Variants in RENBP observed in about 807,000 individuals in gnomAD.
RENBP encodes the protein renin binding protein.
Under a neutral mutation model 37.8 loss-of-function variants are expected in RENBP, and 16 were observed. That is an observed-to-expected ratio of 0.42 (90% confidence interval 0.29 to 0.64). RENBP has a LOEUF of 0.64. Ranked by LOEUF, RENBP falls within the 30% of genes least tolerant of loss-of-function variation. RENBP has a pLI of 0.19. For synonymous variants in RENBP, 170 were observed against 154.8 expected (o/e 1.10, Z -0.73); for missense variants, 347 against 379.5 (o/e 0.91, Z 0.71).
intron 9 of RENBP, among the ~76,000 whole-genome samples, chrX:153,936,791 T>C (rs1195348605): frequency 6.2e-5 from 7 of 112,014 alleles, no homozygotes; most frequent in African/African-American, 2.3e-4. Flanking sequence ...GGCTTGTCAG[T>C]TCAGCCCCTT....
chrX:153,939,235 G>A (rs1467553963), intron 9 of RENBP, among the ~76,000 whole-genome samples: 2 of 111,505 alleles, frequency 1.8e-5, no homozygotes, highest in Admixed American at 9.5e-5. Context: ...CTACAGGTGT[G>A]CATGACACCC....
intron 9 of RENBP, among the ~76,000 whole-genome samples, chrX:153,938,704 C>A (rs1209970316): frequency 9.1e-6 from 1 of 110,218 alleles, no homozygotes; most frequent in Non-Finnish European, 1.9e-5. Context: ...TTTCTTCCTG[C>A]GTCACCACTG....
At chrX:153,943,427 G>A (rs1465250578) in intron 5 of RENBP, 119 bp downstream of exon 5, 3 of 751,673 alleles carry the variant, frequency 4.0e-6, no homozygotes, top group Non-Finnish European at 3.9e-6. Flanking sequence ...CAGAGGTGAA[G>A]GGGACTTGGC....
rs373960327 is a variant in RENBP at position 153,943,029 on chromosome X, G to A, written c.513C>T (p.Asp171=). 194 of 1,201,494 alleles carry A rather than the reference G, an allele frequency of 1.6e-4. No homozygotes were observed. Among genetic ancestry groups the A allele is most frequent in the Non-Finnish European group, 2.1e-4 (189 of 890,706 alleles). Residue 171 remains aspartate (D), a synonymous_variant, in exon 6 of 11, where the codon GAC becomes GAT. Coordinates refer to ENST00000393700, the MANE Select transcript of RENBP (RefSeq NM_002910.6). ...GCTGGGGCCGGCCCAGTCCCGACGC[G>A]TCCTCCTGCACCCAGTGGACGATCT... ...MDQIVHWVQE[D]ASGLGRPQLQ... is the part of the protein sequence containing the mutation.
rs1557110153 is a variant in RENBP at position 153,944,124 on chromosome X, G to A, written c.169C>T (p.Arg57Trp). ...GFFTCLGREG[R>W]VYDDLKYVWL... ...ACATACTTGAGGTCATCATACACCC[G>A]CCCCTCGCGGCCAAGGCACGTGAAG... is the stretch of plus-strand genomic sequence containing the variant. The change falls in exon 3 of 11, where the codon CGG becomes TGG. Residue 57 changes from arginine to tryptophan, a missense_variant. By Grantham distance (101) the Arg-to-Trp change is moderately radical. This residue lies in a region of RENBP where 244 missense variants were observed against 279.4 expected (regional missense o/e 0.87). Transcript: ENST00000393700. 9.1e-6 allele frequency: 11 copies of A among 1,209,296 alleles called. No individual in the cohort carries two copies. Among genetic ancestry groups the A allele is most frequent in the African/African-American group, 3.5e-5 (2 of 57,162 alleles).
intron 8 of RENBP, among the ~76,000 whole-genome samples, chrX:153,940,737 C>T (rs1557109369): frequency 8.9e-6 from 1 of 112,243 alleles, no homozygotes; most frequent in African/African-American, 3.2e-5. Context: ...TCACTTCCAA[C>T]AGTTTACAAA....
Position 153,944,066 on chromosome X carries a change from T to C in RENBP, c.213+14A>G, listed in dbSNP as rs1399168092. 1 of 1,207,005 alleles carries C rather than the reference T, an allele frequency of 8.3e-7. No individual in the cohort carries two copies. Among genetic ancestry groups the C allele is most frequent in the Non-Finnish European group, 1.1e-6 (1 of 892,963 alleles). On this transcript the variant is annotated intron_variant, in intron 3 of 10. Transcript: ENST00000393700. ...GGGCCGTGTGCCTGAGCTTCCAGGC[T>C]GGGAACACCATACCTGCCTCCCCTG...
chrX:153,942,537 C>T (rs1187913406), intron 6 of RENBP: 9 of 310,929 alleles, frequency 2.9e-5, no homozygotes, highest in African/African-American at 8.2e-5. Context: ...GCGTCCAGCC[C>T]GGGCCTAGGA....
intron 8 of RENBP, among the ~76,000 whole-genome samples, chrX:153,941,139 C>CAAAA (rs56158998): frequency 7.7e-5 from 2 of 25,931 alleles, no homozygotes; most frequent in African/African-American, 4.0e-4. Flanking sequence ...AACTCCACCT[C>CAAAA]AAAAAAAAAA....
rs782663457 is a variant in RENBP, at chrX:153,935,565, G to A, written c.1089C>T (p.Pro363=). Residue 363 remains proline (P), a synonymous_variant, in exon 10 of 11, where the codon CCC becomes CCT. Coordinates refer to ENST00000393700, the MANE Select transcript of RENBP (RefSeq NM_002910.6). ...GGTAGCCAAACCATTCCCCGTACTCGGGATCGCGAAACTGGAATAACAGAG... is the reference window on the plus strand; with the variant it reads ...GGTAGCCAAACCATTCCCCGTACTCAGGATCGCGAAACTGGAATAACAGAG... The part of the protein sequence containing the change: ...AEYTFRQFRD[P]EYGEWFGYLS... 1 of 1,209,053 alleles carries A rather than the reference G, an allele frequency of 8.3e-7. No homozygotes were observed. The highest frequency in any genetic ancestry group is 1.1e-6 in the Non-Finnish European group (1 of 893,651).
intron 6 of RENBP, 173 bp from the exon 7 acceptor site, chrX:153,942,204 C>T: frequency 8.0e-6 from 3 of 372,870 alleles, no homozygotes; most frequent in Non-Finnish European, 1.4e-5. Flanking sequence ...GGGGCTGATT[C>T]ACTCCCTTGG....
chrX:153,936,760 A>G (rs190586415), intron 9 of RENBP, among the ~76,000 whole-genome samples: 39 of 111,126 alleles, frequency 3.5e-4, no homozygotes, highest in Non-Finnish European at 7.2e-4. Context: ...CTAGCATTCC[A>G]TGGGGCACCT....
intron 3 of RENBP, 36 bp from the exon 4 acceptor site, chrX:153,944,006 C>T (rs371646736): frequency 6.2e-4 from 744 of 1,203,270 alleles, no homozygotes; most frequent in Non-Finnish European, 7.3e-4. Flanking sequence ...CTTAAGTGGC[C>T]GGCTGGGGTG....
chrX:153,944,591 G>T lies in RENBP; in HGVS notation c.20C>A (p.Ala7Glu). 8.6e-7 allele frequency: 1 copy of T among 1,167,634 alleles called. No homozygotes were observed. The highest frequency in any genetic ancestry group is 1.1e-6 in the Non-Finnish European group (1 of 872,906). Residue 7 changes from alanine (A) to glutamate (E), a missense_variant, in exon 1 of 11, where the codon GCG (alanine) becomes GAG (glutamate). Coordinates refer to ENST00000393700, the MANE Select transcript of RENBP (RefSeq NM_002910.6). The stretch of plus-strand genomic sequence containing the variant: ...AAGCACCCCACCACTGGCCTGTCGC[G>T]CTGGGAGACCCTTGCTCATCCCTCC... Reference protein sequence around the residue: MSKGLPARQDMEKERET... With the variant: MSKGLPERQDMEKERET...
In RENBP at chrX:153,941,513, A is replaced by G; in HGVS notation, c.910T>C (p.Tyr304His). 8.3e-7 allele frequency: 1 copy of G among 1,210,656 alleles called. No homozygotes were observed. The highest frequency in any genetic ancestry group is 3.0e-5 in the East Asian group (1 of 33,789). Residue 304 changes from tyrosine to histidine, a missense_variant, in exon 8 of 11, where the codon TAC (tyrosine) becomes CAC (histidine). Tyr to His is a moderately conservative substitution (Grantham distance 83). Transcript: ENST00000393700. ...CAGAAGTTATCAGCATCCTGGAAGTAAAAGAGGCCTCCGTGGTCAGGGTCC... is the reference window on the plus strand; with the variant it reads ...CAGAAGTTATCAGCATCCTGGAAGTGAAAGAGGCCTCCGTGGTCAGGGTCC... Reference protein sequence around the residue: ...GWDPDHGGLFYFQDADNFCPT... With the variant: ...GWDPDHGGLFHFQDADNFCPT...
intron 7 of RENBP, 23 bp downstream of exon 7, chrX:153,941,927 C>CCG: frequency 4.6e-5 from 28 of 611,238 alleles, no homozygotes; most frequent in Non-Finnish European, 6.7e-5. Context: ...CCTGGGTGGC[C>CCG]CCCAGCCCAC....
intron 9 of RENBP, among the ~76,000 whole-genome samples, chrX:153,939,080 C>T (rs1170694711): frequency 9.2e-5 from 10 of 109,260 alleles, no homozygotes; most frequent in Admixed American, 2.9e-4. Context: ...AGGCGTGAGC[C>T]ACCGTGCCCG....
Position 153,943,443 on chromosome X carries a change from G to A in RENBP, c.462+103C>T, listed in dbSNP as rs141928766. The A allele has an allele frequency of 3.6e-3, 3,110 of 870,704 alleles. 75 individuals are homozygous for A. In the African/African-American group the frequency reaches 0.057, roughly 16 times the overall value. 71.8% of individuals were successfully genotyped at this position (870,704 alleles called of 1,213,427 possible). ...AGAGGTGAAGGGGACTTGGCCCACAGATGGGTCCATGGGAGGGGACTTGCG... is the reference window on the plus strand; with the variant it reads ...AGAGGTGAAGGGGACTTGGCCCACAAATGGGTCCATGGGAGGGGACTTGCG... On this transcript the variant is annotated intron_variant, in intron 5 of 10. Coordinates refer to ENST00000393700, the MANE Select transcript of RENBP (RefSeq NM_002910.6).
At chrX:153,943,280 C>T (rs1391585134) in intron 5 of RENBP, among the ~76,000 whole-genome samples, 10 of 112,687 alleles carry the variant, frequency 8.9e-5, no homozygotes, top group African/African-American at 3.2e-4. Context: ...TCTGGGGGTG[C>T]AGCCCCTTCC....
Sources: allele counts gnomAD v4.1 joint callset (sites outside exome capture counted in the v4.1 genomes callset), GRCh38; gene constraint gnomAD v4.1.1; regional missense constraint gnomAD v4.1.1; transcripts MANE v1.5; gene names NCBI Gene and HGNC (gene_info 2026-07-23, HGNC 2026-07-21).